Variants in CNR2 observed in about 807,000 individuals in gnomAD.
The protein encoded by CNR2 is cannabinoid receptor 2, also known as cannabinoid receptor 2 (macrophage).
For missense variants in CNR2, 379 were observed against 439.9 expected (o/e 0.86, Z 1.24); for synonymous variants, 172 against 182.2 (o/e 0.94, Z 0.45).
Position 23,901,465 on chromosome 1 carries a change from G to A in CNR2, c.-46+11781C>T. On this transcript the variant is annotated intron_variant, in intron 1 of 1. Coordinates refer to ENST00000374472, the MANE Select transcript of CNR2 (RefSeq NM_001841.3). ...TCGCCGACCTGCTGCAGCCTCCCCG[G>A]GCACCTCAGGCATAGAAGATGAGCT... The A allele has an allele frequency of 4.5e-6, 7 of 1,539,022 alleles. No homozygotes were observed. The South Asian group carries it at 8.9e-5, about 20-fold the overall frequency.
chr1:23,891,642 C>T (rs1353132616), intron 1 of CNR2, among the ~76,000 whole-genome samples: 1 of 87,992 alleles, frequency 1.1e-5, no homozygotes. Flanking sequence ...AAAAAAAGCC[C>T]AAATCTTACC....
Position 23,908,957 on chromosome 1 carries a change from G to A in CNR2, c.-46+4289C>T, listed in dbSNP as rs1285579869. Among the ~76,000 whole-genome samples, 3 of 152,212 alleles carry A rather than the reference G, an allele frequency of 2.0e-5. No homozygotes were observed. In the East Asian group the frequency reaches 5.8e-4, roughly 29 times the overall value. On this transcript the variant is annotated intron_variant, in intron 1 of 1. Transcript: ENST00000374472. ...TGGTGGGGGTGAGGGAGTGGGAAAA[G>A]CTGCCTTTGACTCACTGTATGAGCA... is the stretch of plus-strand genomic sequence containing the variant.
intron 1 of CNR2, among the ~76,000 whole-genome samples, chr1:23,886,392 G>A (rs1016498131): frequency 6.6e-6 from 1 of 152,110 alleles, no homozygotes; most frequent in East Asian, 1.9e-4. Context: ...TCTATCTGTC[G>A]AAAGGGAAGA....
intron 1 of CNR2, among the ~76,000 whole-genome samples, chr1:23,876,569 T>A (rs996843596): frequency 2.0e-5 from 3 of 151,486 alleles, no homozygotes; most frequent in Non-Finnish European, 4.4e-5. Context: ...GGCACGGTGG[T>A]TCACGCCTGT....
At chr1:23,893,101 T>A (rs7519581) in intron 1 of CNR2, among the ~76,000 whole-genome samples, 124,320 of 152,086 alleles carry the variant, frequency 0.82, 50,917 homozygotes, top group Admixed American at 0.84. Flanking sequence ...TCCCTTTCTC[T>A]AATGTCTACG....
intron 1 of CNR2, among the ~76,000 whole-genome samples, chr1:23,903,151 C>A (rs1254652752): frequency 1.3e-5 from 2 of 152,106 alleles, no homozygotes. Context: ...CCCCTGCGAT[C>A]CTGCCAGAGC....
intron 1 of CNR2, among the ~76,000 whole-genome samples, chr1:23,903,808 A>C (rs902436872): frequency 6.6e-6 from 1 of 152,104 alleles, no homozygotes; most frequent in Admixed American, 6.6e-5. Flanking sequence ...GGGTGGTCCT[A>C]TTATCATCAT....
intron 1 of CNR2, among the ~76,000 whole-genome samples, chr1:23,886,302 C>A (rs1043635792): frequency 1.3e-5 from 2 of 151,990 alleles, no homozygotes; most frequent in Non-Finnish European, 2.9e-5. Flanking sequence ...GTGCTTCTTG[C>A]AATCTGCATA....
chr1:23,906,790 ACT>A (rs1640492996), intron 1 of CNR2, among the ~76,000 whole-genome samples: 2 of 151,432 alleles, frequency 1.3e-5, no homozygotes, highest in African/African-American at 4.8e-5. Context: ...TACTTGACAG[ACT>A]CAGATGAGAG....
chr1:23,879,936 T>C (rs530564651), intron 1 of CNR2, among the ~76,000 whole-genome samples: 155 of 152,298 alleles, frequency 1.0e-3, no homozygotes, highest in African/African-American at 3.0e-3. Flanking sequence ...GCCAAAGTCC[T>C]TAGTGTTATG....
intron 1 of CNR2, among the ~76,000 whole-genome samples, chr1:23,898,486 C>T (rs1292610464): frequency 6.8e-6 from 1 of 147,310 alleles, no homozygotes; most frequent in African/African-American, 2.5e-5. Flanking sequence ...GGACTACAGG[C>T]GCCCACCACC....
chr1:23,889,657 T>C (rs1640152929), intron 1 of CNR2, among the ~76,000 whole-genome samples: 1 of 152,044 alleles, frequency 6.6e-6, no homozygotes, highest in South Asian at 2.1e-4. Flanking sequence ...TTCAAAGCAG[T>C]TGGATTGATG....
chr1:23,909,236 G>T (rs555371267), intron 1 of CNR2, among the ~76,000 whole-genome samples: 1 of 152,134 alleles, frequency 6.6e-6, no homozygotes, highest in African/African-American at 2.4e-5. Context: ...TTCTCTCCTT[G>T]GCATTTGAGG....
At position 23,901,994 on chromosome 1, in the gene CNR2, A is replaced by G. The variant is rs1388069416; in HGVS notation, c.-46+11252T>C. ...CTTGTTGGTGGCCGTGTACCACAGGAAGATGGTGTGGGTCTCCTCCAGAGT... is the reference window on the plus strand; with the variant it reads ...CTTGTTGGTGGCCGTGTACCACAGGGAGATGGTGTGGGTCTCCTCCAGAGT... On this transcript the variant is annotated intron_variant, in intron 1 of 1. Transcript: ENST00000374472. 4 of 1,605,296 alleles carry G rather than the reference A, an allele frequency of 2.5e-6. No individual in the cohort carries two copies. The Admixed American group carries it at 5.0e-5, about 20-fold the overall frequency.
At chr1:23,910,096 G>GT (rs1163216956) in intron 1 of CNR2, among the ~76,000 whole-genome samples, 1 of 149,640 alleles carries the variant, frequency 6.7e-6, no homozygotes, top group African/African-American at 2.5e-5. Context: ...CCACAGGCAT[G>GT]TGCCACCATG....
At chr1:23,898,344 T>C (rs1557531645) in intron 1 of CNR2, among the ~76,000 whole-genome samples, 13 of 126,962 alleles carry the variant, frequency 1.0e-4, no homozygotes, top group Non-Finnish European at 1.7e-4. Context: ...GCTTTTTTTT[T>C]TTTTTTTTTT....
At position 23,872,320 on chromosome 1, in the gene CNR2, T is replaced by C. The variant is rs999199024; in HGVS notation, c.*2215A>G. 6.6e-6 allele frequency: 1 copy of C among 151,826 alleles called. No homozygotes were observed. Among genetic ancestry groups the C allele is most frequent in the South Asian group, 2.1e-4 (1 of 4,808 alleles). The allele number at this position is 151,826 out of a possible 1,614,324, so 9.4% of individuals were successfully genotyped here. Reference sequence around the variant, plus strand: ...GGAGCAGGGCCCTACCACATCTTGATTTTGACTTCTGGCCTCCAGAATTAT... The same window carrying C: ...GGAGCAGGGCCCTACCACATCTTGACTTTGACTTCTGGCCTCCAGAATTAT... On this transcript the variant is annotated 3_prime_UTR_variant, in exon 2 of 2. Coordinates refer to ENST00000374472, the MANE Select transcript of CNR2 (RefSeq NM_001841.3).
chr1:23,902,807 G>A (rs1640424268), intron 1 of CNR2: 7 of 1,422,046 alleles, frequency 4.9e-6, no homozygotes, highest in African/African-American at 4.4e-5. Flanking sequence ...GGGCGCGGGG[G>A]CGCGGTGCAG....
At chr1:23,904,096 A>C (rs1640446185) in intron 1 of CNR2, among the ~76,000 whole-genome samples, 1 of 151,906 alleles carries the variant, frequency 6.6e-6, no homozygotes, top group African/African-American at 2.4e-5. Context: ...GAAGACAGGA[A>C]TCTTAGCTTT....
Sources: gnomAD v4.1 joint callset for allele counts (sites outside exome capture counted in the v4.1 genomes callset) on GRCh38, gnomAD v4.1.1 for gene constraint, MANE v1.5 for transcripts, NCBI Gene and HGNC (gene_info 2026-07-23, HGNC 2026-07-21) for gene names.